The following CDH12 variants were observed in gnomAD, a reference collection of about 807,000 sequenced individuals.
The protein encoded by CDH12 is cadherin 12.
In CDH12, 41 loss-of-function variants were observed where a neutral mutation model predicts 74.1. That is an observed-to-expected ratio of 0.55 (90% CI 0.43 to 0.72). The LOEUF is 0.72. Ranked by LOEUF, CDH12 falls within the 30% of genes least tolerant of loss-of-function variation. The pLI is 0.00. For synonymous variants in CDH12, 399 were observed against 355.0 expected, an observed-to-expected ratio of 1.12 and a Z score of -1.39; for missense variants, 945 against 977.2, an observed-to-expected ratio of 0.97 and a Z score of 0.44.
intron 11 of CDH12, among the ~76,000 whole-genome samples, chr5:21,768,534 A>G (rs1315486220): frequency 6.6e-6 from 1 of 151,964 alleles, no homozygotes; most frequent in Non-Finnish European, 1.5e-5. Flanking sequence ...TTATGCAAGA[A>G]CATAGTTAAC....
intron 4 of CDH12, among the ~76,000 whole-genome samples, chr5:22,102,207 G>A (rs1744175832): frequency 6.6e-6 from 1 of 151,964 alleles, no homozygotes; most frequent in South Asian, 2.1e-4. Flanking sequence ...ATCAACTTTG[G>A]AATCCACTGA....
intron 6 of CDH12, among the ~76,000 whole-genome samples, chr5:21,966,995 C>T (rs1215375002): frequency 2.0e-5 from 3 of 152,034 alleles, no homozygotes; most frequent in Admixed American, 6.6e-5. Flanking sequence ...GTTCTCTTCA[C>T]GGAATATTTT....
intron 4 of CDH12, among the ~76,000 whole-genome samples, chr5:22,183,577 A>T (rs1402661477): frequency 6.6e-6 from 1 of 152,190 alleles, no homozygotes; most frequent in East Asian, 1.9e-4. Flanking sequence ...CTTCTCGTGA[A>T]ATTTAATGAA....
chr5:21,801,689 A>G (rs1441372496), intron 10 of CDH12, among the ~76,000 whole-genome samples: 1 of 152,190 alleles, frequency 6.6e-6, no homozygotes, highest in African/African-American at 2.4e-5. Context: ...AACAGTAGAC[A>G]AGTTTGTTAC....
At chr5:22,088,053 T>TA (rs1233909748) in intron 4 of CDH12, among the ~76,000 whole-genome samples, 3 of 152,108 alleles carry the variant, frequency 2.0e-5, no homozygotes, top group East Asian at 1.9e-4. Flanking sequence ...GGACTGAATT[T>TA]AAAAAAATGA....
chr5:22,251,818 C>A (rs960820770), intron 3 of CDH12, among the ~76,000 whole-genome samples: 1 of 151,808 alleles, frequency 6.6e-6, no homozygotes, highest in Non-Finnish European at 1.5e-5. Context: ...ATTACTTACA[C>A]GAAAAATTTT....
intron 2 of CDH12, among the ~76,000 whole-genome samples, chr5:22,427,678 G>T (rs2126512602): frequency 6.6e-6 from 1 of 152,236 alleles, no homozygotes; most frequent in African/African-American, 2.4e-5. Flanking sequence ...TTCATGGTCT[G>T]ATATCCCTAG....
chr5:22,459,745 T>C (rs1014781099), intron 2 of CDH12, among the ~76,000 whole-genome samples: 1 of 152,056 alleles, frequency 6.6e-6, no homozygotes, highest in African/African-American at 2.4e-5. Context: ...GGCGGGTGGA[T>C]CATGAGGTCA....
intron 2 of CDH12, among the ~76,000 whole-genome samples, chr5:22,456,975 A>AT (rs1474387885): frequency 6.6e-6 from 1 of 151,996 alleles, no homozygotes; most frequent in Non-Finnish European, 1.5e-5. Flanking sequence ...AGTAAAAGTG[A>AT]TTTTTTTCTT....
At chr5:22,390,060 G>T (rs1260025256) in intron 3 of CDH12, among the ~76,000 whole-genome samples, 6 of 151,192 alleles carry the variant, frequency 4.0e-5, no homozygotes, top group Non-Finnish European at 7.4e-5. Flanking sequence ...CTAGGTATTG[G>T]CATAGATTCA....
At position 22,504,117 on chromosome 5, in the gene CDH12, C is replaced by T. The variant is rs187095031; in HGVS notation, c.-428+1153G>A. On this transcript the variant is annotated intron_variant, in intron 2 of 14. Coordinates refer to ENST00000382254, the MANE Select transcript of CDH12 (RefSeq NM_004061.5). ...TCACAAAGAAAAGGTAAGCAATTTT[C>T]TACATAGAAATTTTGAATATTGATG... Among the ~76,000 whole-genome samples, 45 of 151,824 alleles carry T rather than the reference C, an allele frequency of 3.0e-4. No individual in the cohort carries two copies. The East Asian group carries it at 3.1e-3, about 10-fold the overall frequency.
chr5:22,639,726 A>T (rs1363190254), intron 1 of CDH12, among the ~76,000 whole-genome samples: 1 of 152,030 alleles, frequency 6.6e-6, no homozygotes, highest in African/African-American at 2.4e-5. Context: ...TTCTCTCCCC[A>T]CTAATTAGCC....
intron 1 of CDH12, among the ~76,000 whole-genome samples, chr5:22,792,184 G>A (rs1417155269): frequency 6.6e-6 from 1 of 150,822 alleles, no homozygotes; most frequent in Non-Finnish European, 1.5e-5. Context: ...CGCCTCCTGG[G>A]TTCAGGCGAT....
chr5:22,459,880 C>T (rs1277929462), intron 2 of CDH12, among the ~76,000 whole-genome samples: 3 of 151,940 alleles, frequency 2.0e-5, no homozygotes, highest in Non-Finnish European at 4.4e-5. Flanking sequence ...GCAGAAGAAT[C>T]GCTTGAACCC....
At chr5:22,246,543 T>C (rs1436710127) in intron 3 of CDH12, among the ~76,000 whole-genome samples, 1 of 152,144 alleles carries the variant, frequency 6.6e-6, no homozygotes, top group African/African-American at 2.4e-5. Context: ...CCAGGCATTA[T>C]TACACAAACA....
chr5:21,862,424 A>G (rs943908797), intron 6 of CDH12, among the ~76,000 whole-genome samples: 4 of 152,134 alleles, frequency 2.6e-5, no homozygotes, highest in African/African-American at 7.2e-5. Context: ...ATTGGTACTT[A>G]AAGACATTCT....
At chr5:22,113,229 G>A (rs542392838) in intron 4 of CDH12, among the ~76,000 whole-genome samples, 2 of 152,106 alleles carry the variant, frequency 1.3e-5, no homozygotes, top group Non-Finnish European at 2.9e-5. Context: ...TCTTGAAATC[G>A]CCCTTCAAAG....
At chr5:22,645,641 A>C (rs1277873009) in intron 1 of CDH12, among the ~76,000 whole-genome samples, 1 of 152,028 alleles carries the variant, frequency 6.6e-6, no homozygotes, top group Non-Finnish European at 1.5e-5. Flanking sequence ...TTTAGATCAA[A>C]TTTCATCAAA....
intron 6 of CDH12, among the ~76,000 whole-genome samples, chr5:21,966,844 C>G (rs569489950): frequency 9.9e-5 from 15 of 152,056 alleles, no homozygotes; most frequent in East Asian, 5.8e-4. Context: ...CTGGATAGAC[C>G]TTTATGTAAT....
Sources: gnomAD v4.1 joint callset for allele counts (sites outside exome capture counted in the v4.1 genomes callset) on GRCh38, gnomAD v4.1.1 for gene constraint, MANE v1.5 for transcripts, NCBI Gene and HGNC (gene_info 2026-07-23, HGNC 2026-07-21) for gene names.